Variants in SLC39A11 observed in about 807,000 individuals in gnomAD.
SLC39A11 encodes zinc transporter ZIP11.
SLC39A11 carries 33 observed loss-of-function variants against 36.1 expected under a neutral mutation model. That is an observed-to-expected ratio of 0.91 (90% confidence interval 0.69 to 1.22). SLC39A11 has a LOEUF of 1.22. Among genes scored for constraint, SLC39A11 ranks in the 50% most tolerant of loss-of-function variants. The probability of loss-of-function intolerance (pLI) is 0.00; values close to 1 mark genes in which losing one functional copy is unlikely to be tolerated. For missense variants in SLC39A11, 432 were observed against 430.3 expected (o/e 1.00, Z -0.03); for synonymous variants, 166 against 170.3 (o/e 0.97, Z 0.20).
chr17:72,747,156 C>G (rs1052742951), intron 6 of SLC39A11, among the ~76,000 whole-genome samples: 10 of 152,126 alleles, frequency 6.6e-5, no homozygotes, highest in African/African-American at 2.4e-4. Context: ...CATCAGGAGC[C>G]TCTGAGGTGC....
At chr17:73,041,892 C>A (rs2059123372) in intron 3 of SLC39A11, among the ~76,000 whole-genome samples, 1 of 152,158 alleles carries the variant, frequency 6.6e-6, no homozygotes, top group Non-Finnish European at 1.5e-5. Flanking sequence ...TTCTCAAAAC[C>A]TAGAAAGGCT....
At chr17:72,808,661 T>C (rs1236760044) in intron 6 of SLC39A11, among the ~76,000 whole-genome samples, 1 of 152,218 alleles carries the variant, frequency 6.6e-6, no homozygotes, top group Non-Finnish European at 1.5e-5. Context: ...ATTGCTCCTA[T>C]AGATAACACT....
chr17:72,785,695 G>A (rs2076489885), intron 6 of SLC39A11, among the ~76,000 whole-genome samples: 1 of 152,174 alleles, frequency 6.6e-6, no homozygotes, highest in Non-Finnish European at 1.5e-5. Context: ...CGGGAGGGTG[G>A]AAAAGAGCTA....
intron 6 of SLC39A11, among the ~76,000 whole-genome samples, chr17:72,777,642 G>C (rs776734130): frequency 3.9e-5 from 6 of 152,120 alleles, no homozygotes; most frequent in Non-Finnish European, 7.4e-5. Context: ...GGCCAAGAAA[G>C]GTCTTCTCTA....
intron 5 of SLC39A11, among the ~76,000 whole-genome samples, chr17:72,929,472 C>T (rs1043958156): frequency 6.6e-6 from 1 of 152,138 alleles, no homozygotes; most frequent in South Asian, 2.1e-4. Context: ...GGCCAGGGGT[C>T]ATCATGGTGA....
intron 5 of SLC39A11, among the ~76,000 whole-genome samples, chr17:72,924,668 A>G (rs2083925446): frequency 1.3e-5 from 2 of 152,174 alleles, no homozygotes; most frequent in South Asian, 4.1e-4. Context: ...GTGTCCGAAC[A>G]GGATGATCAA....
At chr17:72,728,818 G>T (rs1014167063) in intron 7 of SLC39A11, among the ~76,000 whole-genome samples, 1 of 152,100 alleles carries the variant, frequency 6.6e-6, no homozygotes, top group Non-Finnish European at 1.5e-5. Context: ...TTCCCTCTCA[G>T]TTCACTCCAC....
chr17:73,039,802 A>T (rs1264949285), intron 3 of SLC39A11, among the ~76,000 whole-genome samples: 1 of 152,202 alleles, frequency 6.6e-6, no homozygotes, highest in Non-Finnish European at 1.5e-5. Context: ...GGACTTTAGG[A>T]GACCATTTAA....
At chr17:72,688,664 T>A (rs1378152438) in intron 7 of SLC39A11, among the ~76,000 whole-genome samples, 1 of 152,174 alleles carries the variant, frequency 6.6e-6, no homozygotes, top group Non-Finnish European at 1.5e-5. Context: ...GTCGTCAAAT[T>A]ACTTCACATA....
chr17:73,063,492 G>A (rs923238129), intron 3 of SLC39A11, among the ~76,000 whole-genome samples: 3 of 152,126 alleles, frequency 2.0e-5, no homozygotes, highest in Admixed American at 6.5e-5. Flanking sequence ...GCGCGTGCCT[G>A]TAATCCCAGC....
chr17:72,966,309 C>T (rs1401147387), intron 4 of SLC39A11, among the ~76,000 whole-genome samples: 2 of 152,172 alleles, frequency 1.3e-5, no homozygotes, highest in South Asian at 2.1e-4. Flanking sequence ...CCACGCAAGC[C>T]GGCCCAGGCT....
chr17:72,974,417 T>C (rs926196604), intron 4 of SLC39A11, among the ~76,000 whole-genome samples: 60 of 137,782 alleles, frequency 4.4e-4, no homozygotes, highest in Non-Finnish European at 1.2e-4. Flanking sequence ...TGCATTTGTA[T>C]CTTCATTTTG....
In SLC39A11 at chr17:72,843,450, G is replaced by C. The variant is rs186668767; in HGVS notation, c.601+6184C>G. Among the ~76,000 whole-genome samples, 4 of 152,246 alleles carry C rather than the reference G, an allele frequency of 2.6e-5. No homozygotes were observed. The East Asian group carries it at 7.7e-4, about 29-fold the overall frequency. On this transcript the variant is annotated intron_variant, in intron 6 of 9. Coordinates refer to ENST00000255559, the MANE Select transcript of SLC39A11 (RefSeq NM_139177.4). Reference sequence around the variant, plus strand: ...GGAATGAATGGTATTAGGAGGTGGGGACTTGGGGAAGTGATTAGGTCGTGA... The same window carrying C: ...GGAATGAATGGTATTAGGAGGTGGGCACTTGGGGAAGTGATTAGGTCGTGA...
chr17:72,724,450 G>A (rs894442540), intron 7 of SLC39A11, among the ~76,000 whole-genome samples: 5 of 152,070 alleles, frequency 3.3e-5, no homozygotes, highest in East Asian at 1.9e-4. Context: ...AGAAAGCGGT[G>A]GGGGGGAGTG....
At chr17:72,790,215 G>A (rs1164300020) in intron 6 of SLC39A11, among the ~76,000 whole-genome samples, 1 of 152,144 alleles carries the variant, frequency 6.6e-6, no homozygotes, top group Non-Finnish European at 1.5e-5. Flanking sequence ...AGAGCACACT[G>A]GTACACACCC....
chr17:73,087,973 C>G (rs17248364), intron 2 of SLC39A11, among the ~76,000 whole-genome samples: 22,791 of 152,110 alleles, frequency 0.15, 1,920 homozygotes, highest in East Asian at 0.28. Flanking sequence ...TAATGTTCTT[C>G]GGTCACGCAT....
chr17:72,753,250 G>A (rs898131818), intron 6 of SLC39A11, among the ~76,000 whole-genome samples: 4 of 152,110 alleles, frequency 2.6e-5, no homozygotes, highest in African/African-American at 9.7e-5. Context: ...CTACAAGGTT[G>A]TGCTTTTTTT....
chr17:72,759,456 G>A (rs1413979795), intron 6 of SLC39A11, among the ~76,000 whole-genome samples: 1 of 152,198 alleles, frequency 6.6e-6, no homozygotes, highest in African/African-American at 2.4e-5. Context: ...TAAAAATCAC[G>A]TGTCTGGATT....
intron 3 of SLC39A11, among the ~76,000 whole-genome samples, chr17:73,042,543 G>A (rs987763977): frequency 1.3e-5 from 2 of 152,228 alleles, no homozygotes; most frequent in African/African-American, 4.8e-5. Flanking sequence ...GCTCACGCCT[G>A]TAATCCCAGT....
Sources: allele counts gnomAD v4.1 joint callset (sites outside exome capture counted in the v4.1 genomes callset), GRCh38; gene constraint gnomAD v4.1.1; transcripts MANE v1.5; gene names NCBI Gene and HGNC (gene_info 2026-07-23, HGNC 2026-07-21).